DVL3: variants seen among roughly 807,000 people sequenced by gnomAD.
DVL3 encodes the protein segment polarity protein dishevelled homolog DVL-3.
DVL3 carries 27 observed loss-of-function variants against 67.4 expected under a neutral mutation model. That is an observed-to-expected ratio of 0.40 (90% CI 0.30 to 0.55). The LOEUF is 0.55. Ranked by LOEUF, DVL3 falls within the 20% of genes least tolerant of loss-of-function variation. The pLI is 0.46. For missense variants in DVL3, 819 were observed against 1,021.5 expected (o/e 0.80, Z 2.70); for synonymous variants, 369 against 396.8 (o/e 0.93, Z 0.83).
At chr3:184,168,104 T>C (rs751532429) in intron 13 of DVL3, 39 bp downstream of exon 13, 1 of 1,595,082 alleles carries the variant, frequency 6.3e-7, no homozygotes, top group African/African-American at 1.3e-5. Context: ...GTCTCCTGGC[T>C]GGGAGTGGGG....
rs946002376 is a variant in DVL3 at position 184,167,361 on chromosome 3, C to A, written c.1199-219C>A. Among the ~76,000 whole-genome samples the A allele has an allele frequency of 9.2e-5, 14 of 152,212 alleles. No homozygotes were observed. Among genetic ancestry groups the A allele is most frequent in the Non-Finnish European group, 1.5e-5 (1 of 68,032 alleles). ...ACATGCACATCGTACACTGGCCAAGCACCTGCATTTACATTATTTAATCCT... is the reference window on the plus strand; with the variant it reads ...ACATGCACATCGTACACTGGCCAAGAACCTGCATTTACATTATTTAATCCT... On this transcript the variant is annotated intron_variant, in intron 11 of 14. Coordinates refer to ENST00000313143, the MANE Select transcript of DVL3 (RefSeq NM_004423.4). This position sits in a 1 kb window ranked among gnomAD's most constrained non-coding sequence, Gnocchi z 4.6.
Position 184,171,467 on chromosome 3 carries a change from C to A in DVL3, c.*712C>A. 3 of 986,410 alleles carry A rather than the reference C, an allele frequency of 3.0e-6. No individual in the cohort carries two copies. The highest frequency in any genetic ancestry group is 3.6e-6 in the Non-Finnish European group (3 of 830,372). The allele number at this position is 986,410 out of a possible 1,614,324, so 61.1% of individuals were successfully genotyped here. A position where few individuals can be genotyped will look rare whatever the true frequency, so the allele number is the denominator to read the frequency against. ...TGCCCTGCGTGCTGGTTCCTTCAGA[C>A]CCCTAACCCTACTAACCAGCAGGCT... On this transcript the variant is annotated 3_prime_UTR_variant, in exon 15 of 15. Transcript: ENST00000313143.
rs1200756239 is a variant in DVL3, at chr3:184,166,528, G to A, written c.980+6G>A. On this transcript the variant is annotated splice_donor_region_variant and intron_variant, in intron 9 of 14. Transcript: ENST00000313143. This position sits in a 1 kb window ranked among gnomAD's most constrained non-coding sequence, Gnocchi z 6.7. ...GAGATTGTGCACAAACCGGGGTATG[G>A]ATGGAATGGGGCACTGGGCAAGGGG... The A allele has an allele frequency of 4.3e-6, 7 of 1,614,184 alleles. No individual in the cohort carries two copies. The highest frequency in any genetic ancestry group is 1.6e-4 in the Middle Eastern group (1 of 6,062).
chr3:184,163,273 A>G lies in DVL3; in HGVS notation c.162-384A>G, dbSNP rs1710015325. Among the ~76,000 whole-genome samples the G allele has an allele frequency of 1.3e-5, 2 of 152,212 alleles. No individual in the cohort carries two copies. The highest frequency in any genetic ancestry group is 4.1e-4 in the South Asian group (2 of 4,830). Reference sequence around the variant, plus strand: ...GATTCCCACTTAAGAAAGGAAGGACAGTTATAATTGTATGCTTTTTTCCAA... The same window carrying G: ...GATTCCCACTTAAGAAAGGAAGGACGGTTATAATTGTATGCTTTTTTCCAA... On this transcript the variant is annotated intron_variant, in intron 1 of 14. Coordinates refer to ENST00000313143, the MANE Select transcript of DVL3 (RefSeq NM_004423.4). The surrounding 1 kb of genome is among the most constrained non-coding windows in gnomAD (Gnocchi z 4.5).
In DVL3 at chr3:184,163,857, C is replaced by T. The variant is rs2109020690; in HGVS notation, c.231+131C>T. 1 of 762,230 alleles carries T rather than the reference C, an allele frequency of 1.3e-6. No homozygotes were observed. Among genetic ancestry groups the T allele is most frequent in the East Asian group, 2.6e-5 (1 of 38,764 alleles). 47.2% of individuals were successfully genotyped at this position (762,230 alleles called of 1,614,324 possible). ...ATCTTTCTTTAGTTTTGCAAATGAA[C>T]TGCTTCTCACCCCAGATTCTGTAAC... On this transcript the variant is annotated intron_variant, in intron 2 of 14. Transcript: ENST00000313143. This position sits in a 1 kb window ranked among gnomAD's most constrained non-coding sequence, Gnocchi z 4.5.
chr3:184,163,711 C>G lies in DVL3; in HGVS notation c.216C>G (p.Gly72=), dbSNP rs756709038. ...DDNAKLPCFN[G]RVVSWLVSAE... ...ATGCCAAGCTACCATGCTTCAATGG[C>G]CGGGTGGTGTCCTGGGTAAGGAGCC... Residue 72 remains glycine (G), a synonymous_variant, in exon 2 of 15, where the codon GGC becomes GGG. Transcript: ENST00000313143. This position sits in a 1 kb window ranked among gnomAD's most constrained non-coding sequence, Gnocchi z 4.5. The G allele has an allele frequency of 1.2e-6, 2 of 1,614,000 alleles. No individual in the cohort carries two copies. Among genetic ancestry groups the G allele is most frequent in the East Asian group, 2.2e-5 (1 of 44,874 alleles).
chr3:184,157,460 G>A (rs1401427117), intron 1 of DVL3, among the ~76,000 whole-genome samples: 3 of 152,058 alleles, frequency 2.0e-5, no homozygotes, highest in African/African-American at 4.8e-5. Flanking sequence ...TGCCTCCTAA[G>A]CCTGGACAAC....
At chr3:184,162,653 C>T (rs1709644) in intron 1 of DVL3, among the ~76,000 whole-genome samples, 1 of 149,912 alleles carries the variant, frequency 6.7e-6, no homozygotes, top group Non-Finnish European at 1.5e-5. Flanking sequence ...TCCACCTGCC[C>T]GATTCAAGTG....
Position 184,163,453 on chromosome 3 carries a change from T to C in DVL3, c.162-204T>C, listed in dbSNP as rs763107287. 6.6e-5 allele frequency among the ~76,000 whole-genome samples: 10 copies of C among 152,090 alleles called. No homozygotes were observed. The highest frequency in any genetic ancestry group is 1.3e-4 in the Non-Finnish European group (9 of 68,008). ...TGACTGAGAGGATGCCCCGGGAAGGTATCTGGCCTAGGCAGGGCTGGTGTC... is the reference window on the plus strand; with the variant it reads ...TGACTGAGAGGATGCCCCGGGAAGGCATCTGGCCTAGGCAGGGCTGGTGTC... On this transcript the variant is annotated intron_variant, in intron 1 of 14. Transcript: ENST00000313143. This position sits in a 1 kb window ranked among gnomAD's most constrained non-coding sequence, Gnocchi z 4.5.
intron 13 of DVL3, among the ~76,000 whole-genome samples, chr3:184,168,664 G>A (rs1317745698): frequency 6.6e-6 from 1 of 152,210 alleles, no homozygotes; most frequent in African/African-American, 2.4e-5. Context: ...GGAAGGCTGG[G>A]GCTGGCTCTT....
Position 184,167,799 on chromosome 3 carries a change from T to A in DVL3, c.1330+88T>A, listed in dbSNP as rs1332841886. On this transcript the variant is annotated intron_variant, in intron 12 of 14. Coordinates refer to ENST00000313143, the MANE Select transcript of DVL3 (RefSeq NM_004423.4). The surrounding 1 kb of genome is among the most constrained non-coding windows in gnomAD (Gnocchi z 4.6). ...GGGCCCAGGACTTGCCTTGGACCCT[T>A]CCTTTGATCTGGAGCCAGCCCCAGC... 3.6e-5 allele frequency: 57 copies of A among 1,596,886 alleles called. No individual in the cohort carries two copies. The highest frequency in any genetic ancestry group is 4.8e-5 in the Non-Finnish European group (56 of 1,170,992).
Position 184,170,410 on chromosome 3 carries a change from C to T in DVL3, c.1806C>T (p.Gly602=). 6.2e-7 allele frequency: 1 copy of T among 1,601,238 alleles called. No individual in the cohort carries two copies. The highest frequency in any genetic ancestry group is 8.5e-7 in the Non-Finnish European group (1 of 1,174,252). The change falls in exon 15 of 15, where the codon GGC becomes GGT. Residue 602 remains glycine, a synonymous_variant. Transcript: ENST00000313143. The surrounding 1 kb of genome is among the most constrained non-coding windows in gnomAD (Gnocchi z 6.5). ...GGGACTCCAAGTCCGGGGGCAGCGG[C>T]AGCGAATCGGACCACACCACACGCA... The part of the protein sequence containing the change: ...KAGDSKSGGS[G]SESDHTTRSS...
rs769526852 is a variant in DVL3 at position 184,155,729 on chromosome 3, G to C, written c.94G>C (p.Asp32His). 2 of 1,613,280 alleles carry C rather than the reference G, an allele frequency of 1.2e-6. No homozygotes were observed. Among genetic ancestry groups the C allele is most frequent in the Non-Finnish European group, 1.7e-6 (2 of 1,179,784 alleles). ...GCCCGCCGAGCGCGTCACCTTGGCG[G>C]ACTTTAAGGGCGTTTTGCAGCGACC... ...PLPAERVTLA[D>H]FKGVLQRPSY... is the part of the protein sequence containing the mutation. Residue 32 changes from aspartate to histidine, a missense_variant, in exon 1 of 15, where the codon GAC (aspartate) becomes CAC (histidine). Transcript: ENST00000313143. The surrounding 1 kb of genome is among the most constrained non-coding windows in gnomAD (Gnocchi z 5.4).
At chr3:184,159,739 C>T (rs1241214471) in intron 1 of DVL3, among the ~76,000 whole-genome samples, 1 of 152,046 alleles carries the variant, frequency 6.6e-6, no homozygotes, top group Non-Finnish European at 1.5e-5. Flanking sequence ...GCTGCTCCTA[C>T]GGCTCCAACC....
rs1004505334 is a variant in DVL3 at position 184,155,892 on chromosome 3, C to T, written c.161+96C>T. ...TTCGACTTGCCTCGCTACACCGGCT[C>T]CTAGCCCCGCTCTGACTTCTAGGGG... On this transcript the variant is annotated intron_variant, in intron 1 of 14. Transcript: ENST00000313143. The surrounding 1 kb of genome is among the most constrained non-coding windows in gnomAD (Gnocchi z 5.4). The T allele has an allele frequency of 7.0e-7, 1 of 1,433,406 alleles. No individual in the cohort carries two copies. The highest frequency in any genetic ancestry group is 9.4e-7 in the Non-Finnish European group (1 of 1,064,360). The allele number at this position is 1,433,406 out of a possible 1,614,324, so 88.8% of individuals were successfully genotyped here. A position where few individuals can be genotyped will look rare whatever the true frequency, so the allele number is the denominator to read the frequency against.
chr3:184,166,708 G>C lies in DVL3; in HGVS notation c.1048+35G>C, dbSNP rs373413610. On this transcript the variant is annotated intron_variant, in intron 10 of 14. Transcript: ENST00000313143. This position sits in a 1 kb window ranked among gnomAD's most constrained non-coding sequence, Gnocchi z 6.7. ...TGGGAGACTCAGTCCTAAAGCTGGT[G>C]CTTACATACATGAGCACTGTCTCTC... 9.0e-5 allele frequency: 145 copies of C among 1,612,646 alleles called. No homozygotes were observed. The highest frequency in any genetic ancestry group is 1.1e-4 in the Non-Finnish European group (132 of 1,179,298).
chr3:184,159,724 CAT>C (rs899426342), intron 1 of DVL3, among the ~76,000 whole-genome samples: 4 of 152,006 alleles, frequency 2.6e-5, no homozygotes, highest in Admixed American at 1.3e-4. Context: ...CCATTGAACA[CAT>C]GTGCTGCTCC....
chr3:184,171,193 C>A lies in DVL3; in HGVS notation c.*438C>A. 1 of 1,119,152 alleles carries A rather than the reference C, an allele frequency of 8.9e-7. No individual in the cohort carries two copies. Among genetic ancestry groups the A allele is most frequent in the Non-Finnish European group, 1.1e-6 (1 of 909,340 alleles). The allele number at this position is 1,119,152 out of a possible 1,614,324, so 69.3% of individuals were successfully genotyped here. A position where few individuals can be genotyped will look rare whatever the true frequency, so the allele number is the denominator to read the frequency against. ...CATCCCTCTATTAACCCCACCCCAT[C>A]AGGCACGTGTGCAAACCTCTTGACT... On this transcript the variant is annotated 3_prime_UTR_variant, in exon 15 of 15. Transcript: ENST00000313143.
chr3:184,164,352 C>G lies in DVL3; in HGVS notation c.317C>G (p.Thr106Arg). The change falls in exon 3 of 15, where the codon ACG (threonine) becomes AGG (arginine). Residue 106 changes from threonine (T) to arginine (R), a missense_variant. Transcript: ENST00000313143. This position sits in a 1 kb window ranked among gnomAD's most constrained non-coding sequence, Gnocchi z 5.3. Reference sequence around the variant, plus strand: ...GAGCTGCCACCACCTATGGAGCGCACGGGAGGCATCGGGGACTCCCGACCC... The same window carrying G: ...GAGCTGCCACCACCTATGGAGCGCAGGGGAGGCATCGGGGACTCCCGACCC... Reference protein sequence around the residue: ...PSELPPPMERTGGIGDSRPPS... With the variant: ...PSELPPPMERRGGIGDSRPPS... 1 of 1,614,076 alleles carries G rather than the reference C, an allele frequency of 6.2e-7. No individual in the cohort carries two copies. The highest frequency in any genetic ancestry group is 1.3e-5 in the African/African-American group (1 of 75,038).
Sources: allele counts gnomAD v4.1 joint callset (sites outside exome capture counted in the v4.1 genomes callset), GRCh38; gene constraint gnomAD v4.1.1; non-coding constraint Gnocchi (gnomAD v3.1); transcripts MANE v1.5; gene names NCBI Gene and HGNC (gene_info 2026-07-23, HGNC 2026-07-21).